WASHC5: variants seen among roughly 807,000 people sequenced by gnomAD.
The protein encoded by WASHC5 is WASH complex subunit 5, also known as WASH complex subunit strumpellin.
WASHC5 carries 101 observed loss-of-function variants against 150.4 expected under a neutral mutation model. The ratio of observed to expected loss-of-function variants is 0.67; its 90% CI spans 0.57 to 0.79. The LOEUF (loss-of-function observed/expected upper bound fraction) is 0.79. WASHC5 is among the 30% of genes least tolerant of loss of function. The pLI, the probability that WASHC5 is intolerant of heterozygous loss-of-function variation, is 0.00. For missense variants in WASHC5, 1,195 were observed against 1,396.3 expected (o/e 0.86, Z 2.30); for synonymous variants, 467 against 491.2 (o/e 0.95, Z 0.65).
At chr8:125,062,935 T>G (rs1337906011) in intron 11 of WASHC5, among the ~76,000 whole-genome samples, 1 of 152,198 alleles carries the variant, frequency 6.6e-6, no homozygotes, top group Non-Finnish European at 1.5e-5. Context: ...TAAAATTTCC[T>G]AGAAGAAGTA....
At chr8:125,073,009 CA>C (rs1198534930) in intron 9 of WASHC5, 143 bp downstream of exon 9, 5 of 845,070 alleles carry the variant, frequency 5.9e-6, no homozygotes, top group South Asian at 4.5e-5. Context: ...TCCAAGTTGA[CA>C]AAAAATGACT....
At chr8:125,065,619 CTTTT>C (rs780278604) in intron 10 of WASHC5, among the ~76,000 whole-genome samples, 1 of 130,724 alleles carries the variant, frequency 7.6e-6, no homozygotes, top group African/African-American at 3.2e-5. Context: ...TCTTTCATTC[CTTTT>C]TTTTTTTTTT....
intron 1 of WASHC5, among the ~76,000 whole-genome samples, chr8:125,089,081 G>A (rs1817514802): frequency 6.6e-6 from 1 of 152,192 alleles, no homozygotes; most frequent in Non-Finnish European, 1.5e-5. Context: ...AGTTCTTTTA[G>A]TTTCCTCTGT....
chr8:125,040,913 C>T (rs998020215), intron 23 of WASHC5: 3 of 152,232 alleles, frequency 2.0e-5, no homozygotes, highest in South Asian at 4.1e-4. Context: ...TTCAGAATAA[C>T]GTTTTTGAAT....
At chr8:125,079,887 A>G (rs945409542) in intron 5 of WASHC5, among the ~76,000 whole-genome samples, 1 of 152,166 alleles carries the variant, frequency 6.6e-6, no homozygotes, top group Middle Eastern at 3.2e-3. Context: ...ATATTTTTTC[A>G]GAGCTCTTTG....
intron 6 of WASHC5, among the ~76,000 whole-genome samples, chr8:125,077,703 C>G (rs553903401): frequency 1.3e-5 from 2 of 152,314 alleles, no homozygotes; most frequent in South Asian, 2.1e-4. Context: ...ATTATTTAAG[C>G]TCTCCAAGTC....
intron 26 of WASHC5, among the ~76,000 whole-genome samples, chr8:125,036,396 G>A (rs950167670): frequency 6.6e-6 from 1 of 152,222 alleles, no homozygotes; most frequent in African/African-American, 2.4e-5. Flanking sequence ...CTAGGGCTGG[G>A]CACAATGGCT....
At chr8:125,068,219 A>G (rs552219712) in intron 9 of WASHC5, among the ~76,000 whole-genome samples, 2 of 152,316 alleles carry the variant, frequency 1.3e-5, no homozygotes, top group South Asian at 4.1e-4. Flanking sequence ...AGCTGCCATC[A>G]TTTTGAGAAC....
At chr8:125,028,230 G>A (rs1815425397) in intron 28 of WASHC5, among the ~76,000 whole-genome samples, 1 of 152,204 alleles carries the variant, frequency 6.6e-6, no homozygotes, top group Admixed American at 6.5e-5. Flanking sequence ...ACATTTAGTT[G>A]TGGCATGAAC....
intron 27 of WASHC5, among the ~76,000 whole-genome samples, chr8:125,031,852 T>C (rs775497265): frequency 1.1e-4 from 17 of 152,204 alleles, no homozygotes; most frequent in Non-Finnish European, 2.9e-5. Flanking sequence ...ACTGATATGT[T>C]CTCTGACTCC....
chr8:125,037,702 GGA>G (rs1413401882), intron 25 of WASHC5, among the ~76,000 whole-genome samples: 3 of 152,064 alleles, frequency 2.0e-5, no homozygotes, highest in Non-Finnish European at 4.4e-5. Flanking sequence ...GGGGAGTGTG[GGA>G]GAGAGAAGAG....
chr8:125,061,524 A>T (rs1816594143), intron 11 of WASHC5, among the ~76,000 whole-genome samples: 1 of 152,220 alleles, frequency 6.6e-6, no homozygotes, highest in African/African-American at 2.4e-5. Context: ...TTTCTGGAGA[A>T]GCGAGGAAAA....
At position 125,059,548 on chromosome 8, in the gene WASHC5, T is replaced by C; in HGVS notation, c.1522-6A>G. On this transcript the variant is annotated splice_polypyrimidine_tract_variant and splice_region_variant and intron_variant, in intron 12 of 28. Transcript: ENST00000318410. Reference sequence around the variant, plus strand: ...AACTGGTGGAATTCTTGAACCTGTGTTACAGAAATATACTTAATTTAAAAA... The same window carrying C: ...AACTGGTGGAATTCTTGAACCTGTGCTACAGAAATATACTTAATTTAAAAA... 1.2e-6 allele frequency: 2 copies of C among 1,611,246 alleles called. No individual in the cohort carries two copies. The highest frequency in any genetic ancestry group is 1.7e-6 in the Non-Finnish European group (2 of 1,177,850).
chr8:125,052,317 T>A (rs1816262730), intron 17 of WASHC5, among the ~76,000 whole-genome samples: 1 of 152,172 alleles, frequency 6.6e-6, no homozygotes, highest in African/African-American at 2.4e-5. Flanking sequence ...CTTCCCGCAT[T>A]CTCACTAATC....
In WASHC5 at chr8:125,075,167, G is replaced by A. The variant is rs149656207; in HGVS notation, c.865-56C>T. The A allele has an allele frequency of 1.3e-4, 135 of 1,066,724 alleles. 2 individuals carry two copies. The East Asian group carries it at 2.7e-3, about 21-fold the overall frequency. 66.1% of individuals were successfully genotyped at this position (1,066,724 alleles called of 1,614,324 possible). ...ATTCCTACTCACTTCAAGGCAAAGG[G>A]TTGAATACTAAAGTTATAGAAGGCA... is the stretch of plus-strand genomic sequence containing the variant. On this transcript the variant is annotated intron_variant, in intron 7 of 28. Transcript: ENST00000318410.
chr8:125,030,030 A>C (rs1815481862), intron 27 of WASHC5, among the ~76,000 whole-genome samples: 1 of 152,172 alleles, frequency 6.6e-6, no homozygotes, highest in African/African-American at 2.4e-5. Flanking sequence ...AGAAAGCCTG[A>C]CTTACAGCTG....
At position 125,056,734 on chromosome 8, in the gene WASHC5, A is replaced by G. The variant is rs755077832; in HGVS notation, c.1959T>C (p.Pro653=). The part of the protein sequence containing the change: ...KLQTHDIIEV[P]TRLDKDKLRD... Reference sequence around the variant, plus strand: ...TCAGCTTGTCTTTGTCCAGGCGGGTAGGCACTTCAATAATGTCGTGGGTCT... The same window carrying G: ...TCAGCTTGTCTTTGTCCAGGCGGGTGGGCACTTCAATAATGTCGTGGGTCT... The change falls in exon 16 of 29, where the codon CCT becomes CCC. Residue 653 remains proline (P), a synonymous_variant. Transcript: ENST00000318410. 3.1e-6 allele frequency: 5 copies of G among 1,614,172 alleles called. No homozygotes were observed. Among genetic ancestry groups the G allele is most frequent in the Non-Finnish European group, 2.5e-6 (3 of 1,180,018 alleles).
At chr8:125,074,612 T>C (rs1816997214) in intron 8 of WASHC5, among the ~76,000 whole-genome samples, 1 of 152,216 alleles carries the variant, frequency 6.6e-6, no homozygotes, top group Non-Finnish European at 1.5e-5. Flanking sequence ...TGACAGGACA[T>C]ATTATCCATA....
intron 9 of WASHC5, among the ~76,000 whole-genome samples, chr8:125,070,668 T>G (rs1280845802): frequency 2.0e-5 from 3 of 152,220 alleles, no homozygotes; most frequent in Non-Finnish European, 4.4e-5. Context: ...AAATTAGAAC[T>G]GGAGTTTATG....
Sources: gnomAD v4.1 joint callset for allele counts (sites outside exome capture counted in the v4.1 genomes callset) on GRCh38, gnomAD v4.1.1 for gene constraint, MANE v1.5 for transcripts, NCBI Gene and HGNC (gene_info 2026-07-23, HGNC 2026-07-21) for gene names.